Variants in CACNA1D observed in about 807,000 individuals in gnomAD.
CACNA1D encodes voltage-dependent L-type calcium channel subunit alpha-1D.
CACNA1D carries 55 observed loss-of-function variants against 257.1 expected under a neutral mutation model. The ratio of observed to expected loss-of-function variants is 0.21; its 90% CI spans 0.17 to 0.27. The LOEUF (loss-of-function observed/expected upper bound fraction) is 0.27. CACNA1D is among the 10% of genes least tolerant of loss of function. The pLI, the probability that CACNA1D is intolerant of heterozygous loss-of-function variation, is 1.00. For synonymous variants in CACNA1D, 980 were observed against 1,014.9 expected, an observed-to-expected ratio of 0.97 and a Z score of 0.65; for missense variants, 1,876 against 2,784.0, an observed-to-expected ratio of 0.67 and a Z score of 7.34.
intron 8 of CACNA1D, among the ~76,000 whole-genome samples, chr3:53,687,248 T>C (rs897212910): frequency 1.3e-5 from 2 of 152,120 alleles, no homozygotes; most frequent in African/African-American, 4.8e-5. Context: ...CTCAATAGCC[T>C]TTCTTTTAGA....
intron 8 of CACNA1D, among the ~76,000 whole-genome samples, chr3:53,695,298 G>T (rs2094563469): frequency 6.6e-6 from 1 of 152,206 alleles, no homozygotes; most frequent in African/African-American, 2.4e-5. Context: ...GTCTGGGGAA[G>T]TTGCTGCATC....
At chr3:53,629,478 G>C (rs866469753) in intron 3 of CACNA1D, among the ~76,000 whole-genome samples, 3 of 152,214 alleles carry the variant, frequency 2.0e-5, no homozygotes, top group Non-Finnish European at 4.4e-5. Context: ...CTTTAACATT[G>C]AGATGAGGTT....
intron 3 of CACNA1D, among the ~76,000 whole-genome samples, chr3:53,611,225 A>T (rs941921185): frequency 6.6e-6 from 1 of 152,180 alleles, no homozygotes; most frequent in African/African-American, 2.4e-5. Context: ...CTCAACAAAA[A>T]GTTTAAAAAA....
intron 3 of CACNA1D, among the ~76,000 whole-genome samples, chr3:53,587,092 A>G (rs2093231422): frequency 6.6e-6 from 1 of 152,180 alleles, no homozygotes; most frequent in African/African-American, 2.4e-5. Flanking sequence ...GTTTGTTTTT[A>G]AAGCTGTGAG....
At chr3:53,810,373 G>A in intron 47 of CACNA1D, 75 bp downstream of exon 47, 1 of 1,458,412 alleles carries the variant, frequency 6.9e-7, no homozygotes, top group Non-Finnish European at 9.6e-7. Flanking sequence ...AGCAGGAAGG[G>A]CAGTGGTGGG....
At chr3:53,650,973 TGG>T in intron 4 of CACNA1D, 55 bp downstream of exon 4, 1 of 1,117,508 alleles carries the variant, frequency 8.9e-7, no homozygotes, top group Non-Finnish European at 1.3e-6. Context: ...AGGTGGAGGT[TGG>T]GGGGGGTGGT....
rs551900325 is a variant in CACNA1D at position 53,794,135 on chromosome 3, T to C, written c.4924-6114T>C. On this transcript the variant is annotated intron_variant, in intron 40 of 47. Transcript: ENST00000350061. ...CTCATTCCTTTGAGAATAATAATTA[T>C]GTTCAGGAGTCTTTGAGAAGAAAGA... Among the ~76,000 whole-genome samples, 192 of 152,344 alleles carry C rather than the reference T, an allele frequency of 1.3e-3. 3 individuals are homozygous for C. The highest frequency in any genetic ancestry group is 4.5e-3 in the African/African-American group (185 of 41,564).
chr3:53,782,274 A>ATATATATATATATATC, intron 39 of CACNA1D: 1 of 139,502 alleles, frequency 7.2e-6, no homozygotes, highest in Non-Finnish European at 1.5e-5. Context: ...GTATATATAT[A>ATATATATATATATATC]TATATATATA....
Position 53,673,802 on chromosome 3 carries a change from T to TGGG in CACNA1D, c.1220+678_1220+679insGGG, listed in dbSNP as rs398122827. ...CATTTTTCGTCCTTAACCTGGTTCT[T>TGGG]GGTGTCCTTAGTGGGTAAGCAGTCG... On this transcript the variant is annotated intron_variant, in intron 8 of 47. Coordinates refer to ENST00000350061, the MANE Select transcript of CACNA1D (RefSeq NM_001128840.3). This position sits in a 1 kb window ranked among gnomAD's most constrained non-coding sequence, Gnocchi z 4.1. 1.9e-6 allele frequency: 3 copies of TGGG among 1,612,604 alleles called. No homozygotes were observed. In the South Asian group the frequency reaches 3.3e-5, roughly 18 times the overall value.
chr3:53,701,249 C>A (rs1417230566), intron 8 of CACNA1D, among the ~76,000 whole-genome samples: 1 of 152,146 alleles, frequency 6.6e-6, no homozygotes, highest in Non-Finnish European at 1.5e-5. Context: ...TCAAGCAATT[C>A]TCTTGCCTCA....
intron 3 of CACNA1D, among the ~76,000 whole-genome samples, chr3:53,591,561 T>C (rs2093305781): frequency 6.6e-6 from 1 of 152,166 alleles, no homozygotes; most frequent in Admixed American, 6.5e-5. Flanking sequence ...GCCCACCTCC[T>C]CTTTTAATAC....
chr3:53,519,044 T>C (rs764376615), intron 3 of CACNA1D, among the ~76,000 whole-genome samples: 9 of 152,332 alleles, frequency 5.9e-5, no homozygotes, highest in South Asian at 4.1e-4. Context: ...GAAAGTAAGA[T>C]ATTTTACTCC....
At chr3:53,687,518 TA>T (rs11297779) in intron 8 of CACNA1D, among the ~76,000 whole-genome samples, 55,996 of 147,750 alleles carry the variant, frequency 0.38, 10,835 homozygotes, top group East Asian at 0.66. Context: ...TCTTTTTAGT[TA>T]AAAAAAAAAA....
chr3:53,796,532 G>A (rs1200468223), intron 40 of CACNA1D: 1 of 365,948 alleles, frequency 2.7e-6, no homozygotes, highest in Non-Finnish European at 5.7e-6. Context: ...ATGCATCTAG[G>A]CAGGAGAAAC....
intron 3 of CACNA1D, among the ~76,000 whole-genome samples, chr3:53,644,496 G>T (rs1336076570): frequency 5.3e-5 from 8 of 151,976 alleles, no homozygotes; most frequent in Non-Finnish European, 8.8e-5. Context: ...CCCACCTCTG[G>T]TAATCATCAT....
chr3:53,752,085 A>G lies in CACNA1D; in HGVS notation c.3675+178A>G, dbSNP rs549722552. Among the ~76,000 whole-genome samples the G allele has an allele frequency of 1.6e-4, 24 of 152,218 alleles. No individual in the cohort carries two copies. In the South Asian group the frequency reaches 2.3e-3, roughly 14 times the overall value. ...ACAGTTGTCACGGTAGGAGTTTAAG[A>G]TAGTTCTTTTGTTGAAGAAATTATC... On this transcript the variant is annotated intron_variant, in intron 28 of 47. Coordinates refer to ENST00000350061, the MANE Select transcript of CACNA1D (RefSeq NM_001128840.3).
chr3:53,575,353 GGGAGT>G (rs1360990362), intron 3 of CACNA1D, among the ~76,000 whole-genome samples: 1 of 152,158 alleles, frequency 6.6e-6, no homozygotes, highest in Non-Finnish European at 1.5e-5. Context: ...GGGCAGGAAG[GGGAGT>G]GGTGGGGCAG....
intron 10 of CACNA1D, among the ~76,000 whole-genome samples, chr3:53,719,090 G>A (rs2094854566): frequency 6.6e-6 from 1 of 152,204 alleles, no homozygotes; most frequent in African/African-American, 2.4e-5. Context: ...GGGGAGCCCT[G>A]TGCGGTTTGG....
Position 53,751,493 on chromosome 3 carries a change from A to G in CACNA1D, c.3517-256A>G, listed in dbSNP as rs941902735. 6.6e-6 allele frequency among the ~76,000 whole-genome samples: 1 copy of G among 152,196 alleles called. No individual in the cohort carries two copies. Among genetic ancestry groups the G allele is most frequent in the African/African-American group, 2.4e-5 (1 of 41,442 alleles). On this transcript the variant is annotated intron_variant, in intron 27 of 47. Transcript: ENST00000350061. This position sits in a 1 kb window ranked among gnomAD's most constrained non-coding sequence, Gnocchi z 4.3. ...TGAGCCTCAGTTTTTAGTAAGCAAA[A>G]TGGAAGCCACATGGGTAGGCACCCA...
Sources: allele counts gnomAD v4.1 joint callset (sites outside exome capture counted in the v4.1 genomes callset), GRCh38; gene constraint gnomAD v4.1.1; non-coding constraint Gnocchi (gnomAD v3.1); transcripts MANE v1.5; gene names NCBI Gene and HGNC (gene_info 2026-07-23, HGNC 2026-07-21).